The following CFAP74 variants were observed in gnomAD, a reference collection of about 807,000 sequenced individuals.
The protein encoded by CFAP74 is cilia- and flagella-associated protein 74.
CFAP74 carries 124 observed loss-of-function variants against 188.9 expected under a neutral mutation model. The observed-to-expected ratio is 0.66, with a 90% CI of 0.57 to 0.76. The LOEUF (loss-of-function observed/expected upper bound fraction) is 0.76, where lower values mean the gene tolerates loss of function less well. Among genes scored for constraint, CFAP74 ranks in the 30% least tolerant of loss-of-function variants. The pLI is 0.00. For missense variants in CFAP74, 2,198 were observed against 2,165.2 expected, an observed-to-expected ratio of 1.02 and a Z score of -0.30; for synonymous variants, 956 against 916.7, an observed-to-expected ratio of 1.04 and a Z score of -0.77.
rs1570983379 is a variant in CFAP74, at chr1:1,987,868, G to A, written c.296+644C>T. On this transcript the variant is annotated intron_variant, in intron 4 of 38. Coordinates refer to ENST00000682832, the MANE Select transcript of CFAP74 (RefSeq NM_001304360.2). ...ACGGTCACTTGGAAAACACACGGGC[G>A]CTGCCGGAGCCGAGGAGGGAAATCG... 3.5e-5 allele frequency: 12 copies of A among 339,682 alleles called. No individual in the cohort carries two copies. The East Asian group carries it at 7.3e-4, about 21-fold the overall frequency. 21.0% of individuals were successfully genotyped at this position (339,682 alleles called of 1,614,324 possible).
chr1:1,956,813 G>T, intron 16 of CFAP74, 29 bp from the exon 17 acceptor site: 1 of 1,603,256 alleles, frequency 6.2e-7, no homozygotes, highest in Non-Finnish European at 8.5e-7. Context: ...TGAACTCAGG[G>T]CCACCGTGCC....
chr1:1,958,402 G>C (rs527296885), intron 16 of CFAP74, among the ~76,000 whole-genome samples: 2 of 152,246 alleles, frequency 1.3e-5, no homozygotes, highest in Admixed American at 1.3e-4. Flanking sequence ...GGAGATGCTC[G>C]TGCTGCCGTA....
intron 1 of CFAP74, among the ~76,000 whole-genome samples, chr1:2,001,106 G>A (rs1656088535): frequency 6.6e-6 from 1 of 152,070 alleles, no homozygotes; most frequent in Admixed American, 6.6e-5. Context: ...TGGGTGAGGA[G>A]GGTGCCGGTG....
chr1:1,956,117 AG>A (rs1654606393), intron 17 of CFAP74, among the ~76,000 whole-genome samples: 1 of 152,168 alleles, frequency 6.6e-6, no homozygotes, highest in African/African-American at 2.4e-5. Flanking sequence ...CCAGCCTGGG[AG>A]TGTGAGCCAC....
intron 1 of CFAP74, among the ~76,000 whole-genome samples, chr1:2,003,285 A>T (rs953004058): frequency 6.6e-6 from 1 of 152,216 alleles, no homozygotes; most frequent in African/African-American, 2.4e-5. Flanking sequence ...TTCCTTTAAG[A>T]AAAACAAAAT....
chr1:1,978,314 G>A (rs868094323), intron 6 of CFAP74, among the ~76,000 whole-genome samples: 5 of 152,240 alleles, frequency 3.3e-5, no homozygotes, highest in Admixed American at 6.5e-5. Flanking sequence ...GCCTTGGGGC[G>A]ATGCTGGACC....
Position 1,955,861 on chromosome 1 carries a change from G to C in CFAP74, c.2017-11C>G. 1 of 1,602,850 alleles carries C rather than the reference G, an allele frequency of 6.2e-7. No homozygotes were observed. The highest frequency in any genetic ancestry group is 8.5e-7 in the Non-Finnish European group (1 of 1,173,924). On this transcript the variant is annotated splice_polypyrimidine_tract_variant and intron_variant, in intron 17 of 38. Coordinates refer to ENST00000682832, the MANE Select transcript of CFAP74 (RefSeq NM_001304360.2). ...GGTCAGGAGACTGCTCTAGAGAGGA[G>C]AATCAACATCCTGGCTTGGGAGGTT... is the stretch of plus-strand genomic sequence containing the variant.
intron 38 of CFAP74, 48 bp downstream of exon 38, chr1:1,922,541 C>G (rs776785356): frequency 6.9e-6 from 11 of 1,599,494 alleles, no homozygotes; most frequent in Non-Finnish European, 3.4e-6. Flanking sequence ...GCCCACCCAG[C>G]CTTTGGCGTT....
chr1:1,978,415 G>A (rs28448395), intron 6 of CFAP74, among the ~76,000 whole-genome samples: 45,395 of 151,760 alleles, frequency 0.3, 7,059 homozygotes, highest in Non-Finnish European at 0.34. Context: ...GTGTCTCAGC[G>A]GGGATGGGTG....
At chr1:1,963,920 T>C (rs953207752) in intron 13 of CFAP74, 53 bp from the exon 14 acceptor site, 19 of 1,196,522 alleles carry the variant, frequency 1.6e-5, no homozygotes, top group Non-Finnish European at 9.9e-6. Context: ...GGCTGTGCTG[T>C]GAGCACCGAG....
intron 25 of CFAP74, among the ~76,000 whole-genome samples, 165 bp downstream of exon 25, chr1:1,938,690 C>A (rs1653129133): frequency 6.6e-6 from 1 of 152,246 alleles, no homozygotes; most frequent in Non-Finnish European, 1.5e-5. Context: ...GGCCTCTCTG[C>A]ACCCAGGTTT....
At chr1:1,987,096 A>T (rs4535948) in intron 4 of CFAP74, 61 bp from the exon 5 acceptor site, 471,894 of 1,444,346 alleles carry the variant, frequency 0.33, 78,021 homozygotes, top group East Asian at 0.34. Flanking sequence ...CCAAAGTGAC[A>T]GTGGGCGTGG....
In CFAP74 at chr1:2,000,625, G is replaced by C. The variant is rs1045877850; in HGVS notation, c.-20+3076C>G. ...GGCACGAGGGAAGGGCCTGTTTCAG[G>C]CCTCTCTTTTAGCTTCTGCTAGTTC... On this transcript the variant is annotated intron_variant, in intron 1 of 38. Transcript: ENST00000682832. Among the ~76,000 whole-genome samples the C allele has an allele frequency of 2.0e-5, 3 of 152,338 alleles. No homozygotes were observed. In the East Asian group the frequency reaches 5.8e-4, roughly 29 times the overall value.
At chr1:1,966,654 T>C (rs1655497937) in intron 11 of CFAP74, 128 bp from the exon 12 acceptor site, 11 of 754,038 alleles carry the variant, frequency 1.5e-5, no homozygotes, top group Non-Finnish European at 2.1e-5. Flanking sequence ...GTACTCTGCA[T>C]GGAGATAGCG....
chr1:1,989,977 A>G lies in CFAP74; in HGVS notation c.67+913T>C, dbSNP rs145022483. On this transcript the variant is annotated intron_variant, in intron 2 of 38. Transcript: ENST00000682832. ...CCTCACTCTCTTCCCATGAGAGGAC[A>G]GTGGCGTTTTCCAGAGGCTGCATGA... Among the ~76,000 whole-genome samples the G allele has an allele frequency of 2.1e-3, 315 of 152,312 alleles. 1 individual carries two copies. Among genetic ancestry groups the G allele is most frequent in the African/African-American group, 7.4e-3 (309 of 41,552 alleles).
intron 18 of CFAP74, among the ~76,000 whole-genome samples, chr1:1,951,691 G>A (rs1413125100): frequency 6.6e-6 from 1 of 152,200 alleles, no homozygotes; most frequent in Non-Finnish European, 1.5e-5. Context: ...CTGGAATTTT[G>A]GTTGGAATTG....
At chr1:1,996,142 G>A (rs929250698) in intron 1 of CFAP74, among the ~76,000 whole-genome samples, 6 of 151,878 alleles carry the variant, frequency 4.0e-5, no homozygotes, top group Admixed American at 6.6e-5. Context: ...AGGCCACCAC[G>A]CCTGGCTAAT....
At chr1:1,979,737 GT>G (rs1656705783) in intron 6 of CFAP74, among the ~76,000 whole-genome samples, 1 of 94,676 alleles carries the variant, frequency 1.1e-5, no homozygotes, top group Non-Finnish European at 2.4e-5. Context: ...GTGGGAAGGC[GT>G]CACGTGACGA....
chr1:1,950,819 A>T (rs1654159006), intron 18 of CFAP74, among the ~76,000 whole-genome samples: 1 of 152,174 alleles, frequency 6.6e-6, no homozygotes, highest in Admixed American at 6.6e-5. Flanking sequence ...GGCGAAGTCC[A>T]GTTTACAATT....
Sources: gnomAD v4.1 joint callset for allele counts (sites outside exome capture counted in the v4.1 genomes callset) on GRCh38, gnomAD v4.1.1 for gene constraint, MANE v1.5 for transcripts, NCBI Gene and HGNC (gene_info 2026-07-23, HGNC 2026-07-21) for gene names.